CHST8: variants seen among roughly 807,000 people sequenced by gnomAD.
CHST8 encodes carbohydrate sulfotransferase 8.
In CHST8, 10 loss-of-function variants were observed where a neutral mutation model predicts 15.0. The ratio of observed to expected loss-of-function variants is 0.67; its 90% CI spans 0.41 to 1.13. The LOEUF (loss-of-function observed/expected upper bound fraction) is 1.13. Ranked by LOEUF, CHST8 falls within the 50% of genes most tolerant of loss-of-function variation. The pLI is 0.00. For synonymous variants in CHST8, 259 were observed against 256.6 expected (o/e 1.01, Z -0.09); for missense variants, 634 against 608.2 (o/e 1.04, Z -0.45).
Position 33,689,485 on chromosome 19 carries a change from G to A in CHST8, c.130+94G>A, listed in dbSNP as rs571325984. The A allele has an allele frequency of 2.6e-5, 36 of 1,376,230 alleles. No individual in the cohort carries two copies. In the South Asian group the frequency reaches 5.1e-4, roughly 19 times the overall value. The allele number at this position is 1,376,230 out of a possible 1,614,324, so 85.3% of individuals were successfully genotyped here. A position where few individuals can be genotyped will look rare whatever the true frequency, so the allele number is the denominator to read the frequency against. The stretch of plus-strand genomic sequence containing the variant: ...GCTGCCCTGGTGTGCTGGGCTTGGG[G>A]GAAAGGGGCAAGTCTGTGCCAAGAC... On this transcript the variant is annotated intron_variant, in intron 3 of 4. Transcript: ENST00000650847.
intron 1 of CHST8, among the ~76,000 whole-genome samples, chr19:33,639,078 A>G (rs911397518): frequency 4.7e-5 from 6 of 127,606 alleles, no homozygotes; most frequent in African/African-American, 1.8e-4. Context: ...ACAGCAGGTG[A>G]TCCTGACCAA....
intron 2 of CHST8, among the ~76,000 whole-genome samples, chr19:33,678,515 G>A (rs1474240659): frequency 6.6e-6 from 1 of 152,172 alleles, no homozygotes; most frequent in East Asian, 1.9e-4. Flanking sequence ...GCCAAGGTAA[G>A]AGGATTACTG....
intron 3 of CHST8, among the ~76,000 whole-genome samples, chr19:33,703,049 T>G (rs1973375632): frequency 6.6e-6 from 1 of 152,168 alleles, no homozygotes; most frequent in African/African-American, 2.4e-5. Context: ...GAGAGTCACC[T>G]GGCATCAGAG....
At chr19:33,627,607 T>G (rs2145432924) in intron 1 of CHST8, among the ~76,000 whole-genome samples, 1 of 152,284 alleles carries the variant, frequency 6.6e-6, no homozygotes, top group Non-Finnish European at 1.5e-5. Context: ...TTGGTGCTGG[T>G]GACTGAGGGC....
At chr19:33,753,007 G>T (rs919070677) in intron 3 of CHST8, among the ~76,000 whole-genome samples, 1 of 152,268 alleles carries the variant, frequency 6.6e-6, no homozygotes, top group South Asian at 2.1e-4. Flanking sequence ...GCGTTCGGTG[G>T]AGAAAGAAGC....
In CHST8 at chr19:33,647,308, G is replaced by C. The variant is rs142681206; in HGVS notation, c.-163-20459G>C. On this transcript the variant is annotated intron_variant, in intron 1 of 4. Coordinates refer to ENST00000650847, the MANE Select transcript of CHST8 (RefSeq NM_001127895.2). ...AGAAAGCAGGAGACTATCACGTCCTGGGAGCCAAGTGAGGAAAGTGCACCA... is the reference window on the plus strand; with the variant it reads ...AGAAAGCAGGAGACTATCACGTCCTCGGAGCCAAGTGAGGAAAGTGCACCA... 7.0e-4 allele frequency among the ~76,000 whole-genome samples: 106 copies of C among 152,296 alleles called. 2 individuals carry two copies. In the East Asian group the frequency reaches 0.019, roughly 27 times the overall value.
At chr19:33,666,974 T>C (rs1011435246) in intron 1 of CHST8, among the ~76,000 whole-genome samples, 1 of 151,990 alleles carries the variant, frequency 6.6e-6, no homozygotes, top group Admixed American at 6.5e-5. Context: ...AGTGCTAGGA[T>C]TACAGTTAGG....
At position 33,772,309 on chromosome 19, in the gene CHST8, G is replaced by T; in HGVS notation, c.521G>T (p.Arg174Leu). The change falls in exon 5 of 5, where the codon CGG becomes CTG. Residue 174 changes from arginine to leucine, a missense_variant. Physicochemically the swap from Arg to Leu is moderately radical, Grantham distance 102. Coordinates refer to ENST00000650847, the MANE Select transcript of CHST8 (RefSeq NM_001127895.2). ...AAGTACCGGGCGAGCAGCAGCCGCCGGGCCGTCACGCCCCGCCACGTGTCC... is the reference window on the plus strand; with the variant it reads ...AAGTACCGGGCGAGCAGCAGCCGCCTGGCCGTCACGCCCCGCCACGTGTCC... Reference protein sequence around the residue: ...CAKYRASSSRRAVTPRHVSRI... With the variant: ...CAKYRASSSRLAVTPRHVSRI... 3 of 1,603,816 alleles carry T rather than the reference G, an allele frequency of 1.9e-6. No individual in the cohort carries two copies. The highest frequency in any genetic ancestry group is 8.5e-7 in the Non-Finnish European group (1 of 1,179,148).
chr19:33,721,397 C>A (rs758873051), intron 3 of CHST8, among the ~76,000 whole-genome samples: 1 of 152,186 alleles, frequency 6.6e-6, no homozygotes, highest in Non-Finnish European at 1.5e-5. Flanking sequence ...CACTGCATCA[C>A]CACAGGGTGT....
At chr19:33,684,620 G>C (rs1972942378) in intron 2 of CHST8, 1 of 152,268 alleles carries the variant, frequency 6.6e-6, no homozygotes, top group Admixed American at 6.5e-5. Flanking sequence ...AAATCAAGAA[G>C]AGCCCCATCT....
chr19:33,773,254 G>T lies in CHST8; in HGVS notation c.*191G>T. 1 of 628,482 alleles carries T rather than the reference G, an allele frequency of 1.6e-6. No homozygotes were observed. The highest frequency in any genetic ancestry group is 2.7e-6 in the Non-Finnish European group (1 of 368,060). The allele number at this position is 628,482 out of a possible 1,614,324, so 38.9% of individuals were successfully genotyped here. A position where few individuals can be genotyped will look rare whatever the true frequency, so the allele number is the denominator to read the frequency against. ...GCCTTGGATGGGGACCCCAGCCCCT[G>T]GCCTGTACCTGTTTCCTCATTCCTT... On this transcript the variant is annotated 3_prime_UTR_variant, in exon 5 of 5. Coordinates refer to ENST00000650847, the MANE Select transcript of CHST8 (RefSeq NM_001127895.2).
chr19:33,685,712 G>A (rs937220303), intron 2 of CHST8, among the ~76,000 whole-genome samples: 2 of 152,204 alleles, frequency 1.3e-5, no homozygotes, highest in Non-Finnish European at 2.9e-5. Flanking sequence ...TGTGACAGAT[G>A]GTGGTGTCCA....
At chr19:33,757,450 GAAAGAAAGAAA>G (rs1974585418) in intron 3 of CHST8, among the ~76,000 whole-genome samples, 1 of 31,022 alleles carries the variant, frequency 3.2e-5, no homozygotes, top group South Asian at 1.1e-3. Context: ...AAGAAAGAAA[GAAAGAAAGAAA>G]GAAAGAAAGA....
At chr19:33,686,632 G>GCTGT (rs1972985076) in intron 2 of CHST8, among the ~76,000 whole-genome samples, 1 of 152,192 alleles carries the variant, frequency 6.6e-6, no homozygotes, top group Admixed American at 6.5e-5. Flanking sequence ...TAGCCATGAA[G>GCTGT]CTGTTCTCCT....
rs1039583732 is a variant in CHST8 at position 33,622,083 on chromosome 19, C to G, written c.-377C>G. On this transcript the variant is annotated 5_prime_UTR_variant, in exon 1 of 5. Coordinates refer to ENST00000650847, the MANE Select transcript of CHST8 (RefSeq NM_001127895.2). ...CGGGGGCCGAAGAGGAACGCCGCCC[C>G]GCGCCCTCTCGCTCCCCGCACGCTC... 1 of 152,212 alleles carries G rather than the reference C, an allele frequency of 6.6e-6. No homozygotes were observed. The highest frequency in any genetic ancestry group is 1.5e-5 in the Non-Finnish European group (1 of 68,122). 9.4% of individuals were successfully genotyped at this position (152,212 alleles called of 1,614,324 possible). A position where few individuals can be genotyped will look rare whatever the true frequency, so the allele number is the denominator to read the frequency against.
chr19:33,763,809 G>A (rs971248108), intron 3 of CHST8, among the ~76,000 whole-genome samples: 2 of 152,220 alleles, frequency 1.3e-5, no homozygotes, highest in Non-Finnish European at 2.9e-5. Context: ...AGGCCCATGG[G>A]GACAATGTGT....
intron 3 of CHST8, among the ~76,000 whole-genome samples, chr19:33,703,475 G>A (rs1003156570): frequency 6.6e-6 from 1 of 152,248 alleles, no homozygotes; most frequent in African/African-American, 2.4e-5. Context: ...AAAAAGTTAC[G>A]GTGGTAGTTA....
intron 3 of CHST8, among the ~76,000 whole-genome samples, chr19:33,692,269 C>A (rs771393748): frequency 6.6e-6 from 1 of 152,188 alleles, no homozygotes; most frequent in African/African-American, 2.4e-5. Context: ...AGTTATAATT[C>A]TTTTCCAGTC....
intron 3 of CHST8, among the ~76,000 whole-genome samples, chr19:33,723,292 A>G (rs1973835933): frequency 1.3e-5 from 2 of 152,250 alleles, no homozygotes; most frequent in Non-Finnish European, 1.5e-5. Context: ...ACATCCATGC[A>G]GATCTCAGTA....
Sources: gnomAD v4.1 joint callset for allele counts (sites outside exome capture counted in the v4.1 genomes callset) on GRCh38, gnomAD v4.1.1 for gene constraint, MANE v1.5 for transcripts, NCBI Gene and HGNC (gene_info 2026-07-23, HGNC 2026-07-21) for gene names.